The following DAB1 variants were observed in gnomAD, a reference collection of about 807,000 sequenced individuals.
DAB1 encodes DAB adaptor protein 1.
In DAB1, 15 loss-of-function variants were observed where a neutral mutation model predicts 64.6. That is an observed-to-expected ratio of 0.23 (90% CI 0.16 to 0.36). The LOEUF is 0.36. Ranked by LOEUF, DAB1 falls within the 10% of genes least tolerant of loss-of-function variation. DAB1 has a pLI of 1.00. For synonymous variants in DAB1, 235 were observed against 251.9 expected (o/e 0.93, Z 0.64); for missense variants, 596 against 706.7 (o/e 0.84, Z 1.78).
intron 5 of DAB1, among the ~76,000 whole-genome samples, chr1:58,064,685 T>TTATTTATTTATG: frequency 8.8e-6 from 1 of 113,800 alleles, no homozygotes; most frequent in Admixed American, 9.1e-5. Flanking sequence ...ATAAATTTTT[T>TTATTTATTTATG]TATTTATTTA....
At chr1:57,638,378 T>C (rs905461373) in intron 7 of DAB1, among the ~76,000 whole-genome samples, 1 of 152,184 alleles carries the variant, frequency 6.6e-6, no homozygotes, top group East Asian at 1.9e-4. Flanking sequence ...TTTCAGCAGT[T>C]CTGGGCGAGG....
intron 4 of DAB1, among the ~76,000 whole-genome samples, chr1:58,280,652 C>T (rs1486283353): frequency 6.6e-6 from 1 of 152,220 alleles, no homozygotes; most frequent in African/African-American, 2.4e-5. Flanking sequence ...TTTCCAGCTA[C>T]ATCATGTTGG....
intron 1 of DAB1, among the ~76,000 whole-genome samples, chr1:57,300,266 A>T (rs1673531422): frequency 6.6e-6 from 1 of 152,156 alleles, no homozygotes; most frequent in Admixed American, 6.5e-5. Context: ...TTCCAACTGC[A>T]AGGAGCTCAA....
intron 5 of DAB1, among the ~76,000 whole-genome samples, chr1:57,909,763 T>C (rs911700118): frequency 6.6e-6 from 1 of 152,156 alleles, no homozygotes; most frequent in African/African-American, 2.4e-5. Flanking sequence ...AAAAAGCAAA[T>C]GTTAATTAAA....
intron 4 of DAB1, among the ~76,000 whole-genome samples, chr1:58,165,907 G>T (rs954226532): frequency 6.6e-6 from 1 of 152,144 alleles, no homozygotes; most frequent in Non-Finnish European, 1.5e-5. Context: ...TTAATTCTTT[G>T]TAAAACTCCA....
intron 7 of DAB1, among the ~76,000 whole-genome samples, chr1:57,468,231 A>G (rs1472130489): frequency 6.6e-6 from 1 of 152,164 alleles, no homozygotes; most frequent in African/African-American, 2.4e-5. Flanking sequence ...GAATGAATAC[A>G]AGAAGGAGAA....
At chr1:58,539,308 T>G (rs779921878) in intron 1 of DAB1, 2 of 807,792 alleles carry the variant, frequency 2.5e-6, no homozygotes, top group Non-Finnish European at 4.2e-6. Context: ...TTCACTTGAC[T>G]ACCTGAAACA....
chr1:57,617,354 ATCCTTGT>A (rs1645802175), intron 7 of DAB1, among the ~76,000 whole-genome samples: 1 of 151,948 alleles, frequency 6.6e-6, no homozygotes, highest in Non-Finnish European at 1.5e-5. Flanking sequence ...CTGAGACCAC[ATCCTTGT>A]TTAACTTTCT....
chr1:57,076,991 G>A (rs1382203687), intron 4 of DAB1, among the ~76,000 whole-genome samples: 1 of 152,154 alleles, frequency 6.6e-6, no homozygotes, highest in Non-Finnish European at 1.5e-5. Flanking sequence ...TCATAAAACA[G>A]GTAGGCAAAG....
chr1:58,385,542 C>T (rs1478490541), intron 3 of DAB1, among the ~76,000 whole-genome samples: 1 of 152,190 alleles, frequency 6.6e-6, no homozygotes, highest in Non-Finnish European at 1.5e-5. Context: ...AAAACCTAGC[C>T]TATTCCTTTC....
rs920002602 is a variant in DAB1 at position 57,368,972 on chromosome 1, G to T, written c.-137+54958C>A. On this transcript the variant is annotated intron_variant, in intron 1 of 14. Transcript: ENST00000371236. ...AGAAAAAGGTCATAAATCAAGGTGG[G>T]ATTCAAAAGATGTAGCTCAGGATTC... Among the ~76,000 whole-genome samples, 11 of 152,134 alleles carry T rather than the reference G, an allele frequency of 7.2e-5. No individual in the cohort carries two copies. The South Asian group carries it at 1.0e-3, about 14-fold the overall frequency.
chr1:58,126,986 G>GCTATTT (rs1653149288), intron 5 of DAB1, among the ~76,000 whole-genome samples: 1 of 149,578 alleles, frequency 6.7e-6, no homozygotes, highest in Non-Finnish European at 1.5e-5. Context: ...TAATGGGATG[G>GCTATTT]CTGGGTCAAA....
At chr1:57,354,376 C>T (rs933725297) in intron 1 of DAB1, among the ~76,000 whole-genome samples, 1 of 152,010 alleles carries the variant, frequency 6.6e-6, no homozygotes, top group Non-Finnish European at 1.5e-5. Context: ...AATCTAAAGA[C>T]TTTATGTGGG....
chr1:57,968,075 C>T (rs1008525570), intron 5 of DAB1, among the ~76,000 whole-genome samples: 1 of 151,932 alleles, frequency 6.6e-6, no homozygotes, highest in Non-Finnish European at 1.5e-5. Flanking sequence ...CAGCAGATGC[C>T]GAAATATTGT....
chr1:58,412,495 T>C (rs934788179), intron 3 of DAB1, among the ~76,000 whole-genome samples: 5 of 152,344 alleles, frequency 3.3e-5, no homozygotes, highest in South Asian at 2.1e-4. Flanking sequence ...TCCATGACGA[T>C]TGCAGCCAGA....
chr1:57,023,671 A>C, intron 10 of DAB1, 32 bp from the exon 11 acceptor site: 2 of 1,419,410 alleles, frequency 1.4e-6, no homozygotes, highest in Non-Finnish European at 2.0e-6. Flanking sequence ...AGGACACATG[A>C]GACCTGGCTT....
chr1:57,445,211 C>T (rs1686095564), intron 7 of DAB1, among the ~76,000 whole-genome samples: 1 of 151,750 alleles, frequency 6.6e-6, no homozygotes, highest in South Asian at 2.1e-4. Flanking sequence ...AAATGGGACT[C>T]ATCTTACAAA....
intron 6 of DAB1, among the ~76,000 whole-genome samples, chr1:57,734,773 C>T (rs547317146): frequency 3.3e-5 from 5 of 152,248 alleles, no homozygotes; most frequent in East Asian, 3.9e-4. Context: ...GAAAAGTAGT[C>T]AAATTATTGC....
At chr1:58,329,162 A>C (rs185327773) in intron 4 of DAB1, among the ~76,000 whole-genome samples, 1 of 152,356 alleles carries the variant, frequency 6.6e-6, no homozygotes, top group African/African-American at 2.4e-5. Context: ...AATGTAGATA[A>C]GCAAAGGAAT....
Sources: allele counts gnomAD v4.1 joint callset (sites outside exome capture counted in the v4.1 genomes callset), GRCh38; gene constraint gnomAD v4.1.1; transcripts MANE v1.5; gene names NCBI Gene and HGNC (gene_info 2026-07-23, HGNC 2026-07-21).